MAP2K5: variants seen among roughly 807,000 people sequenced by gnomAD.
MAP2K5 encodes the protein mitogen-activated protein kinase kinase 5, also known as dual specificity mitogen-activated protein kinase kinase 5.
MAP2K5 carries 49 observed loss-of-function variants against 83.1 expected under a neutral mutation model. That is an observed-to-expected ratio of 0.59 (90% CI 0.47 to 0.75). The LOEUF is 0.75. MAP2K5 is among the 30% of genes least tolerant of loss of function. MAP2K5 has a pLI of 0.00. For synonymous variants in MAP2K5, 202 were observed against 191.8 expected, an observed-to-expected ratio of 1.05 and a Z score of -0.44; for missense variants, 457 against 557.5, an observed-to-expected ratio of 0.82 and a Z score of 1.82.
intron 16 of MAP2K5, among the ~76,000 whole-genome samples, chr15:67,711,509 A>G (rs1391702681): frequency 1.3e-5 from 2 of 152,274 alleles, no homozygotes; most frequent in Non-Finnish European, 1.5e-5. Context: ...GAAAAAAGCC[A>G]TTATCCCCTC....
intron 8 of MAP2K5, among the ~76,000 whole-genome samples, chr15:67,617,421 C>T (rs1377449401): frequency 6.6e-6 from 1 of 152,164 alleles, no homozygotes; most frequent in Non-Finnish European, 1.5e-5. Flanking sequence ...GAGATTGTAC[C>T]AGCTTTATCA....
intron 3 of MAP2K5, among the ~76,000 whole-genome samples, chr15:67,574,739 C>T (rs187305408): frequency 1.3e-5 from 2 of 151,912 alleles, no homozygotes; most frequent in African/African-American, 2.4e-5. Context: ...TGGTGTCGGG[C>T]GCCTGTAGTC....
In MAP2K5 at chr15:67,748,289, T is replaced by G. The variant is rs1411183331; in HGVS notation, c.1101+32T>G. ...TTTATGAGTTCAGAAAAAAATTCAC[T>G]TTTCTTTTTCCTGATGGCTGCTTCC... On this transcript the variant is annotated intron_variant, in intron 18 of 21. Transcript: ENST00000178640. The surrounding 1 kb of genome is among the most constrained non-coding windows in gnomAD (Gnocchi z 4.0). The G allele has an allele frequency of 1.3e-6, 2 of 1,570,534 alleles. No individual in the cohort carries two copies. Among genetic ancestry groups the G allele is most frequent in the Admixed American group, 3.4e-5 (2 of 59,326 alleles).
chr15:67,586,041 C>A, intron 5 of MAP2K5, 111 bp downstream of exon 5: 1 of 1,001,732 alleles, frequency 1.0e-6, no homozygotes, highest in Non-Finnish European at 1.6e-6. Flanking sequence ...ACAAGCGATC[C>A]TTTTATTTTT....
chr15:67,560,146 AC>A (rs1340221563), intron 2 of MAP2K5, among the ~76,000 whole-genome samples: 1 of 152,146 alleles, frequency 6.6e-6, no homozygotes, highest in African/African-American at 2.4e-5. Flanking sequence ...CTGCTTTCTT[AC>A]CCTTCACTAA....
At position 67,760,208 on chromosome 15, in the gene MAP2K5, CA is replaced by C. The variant is rs2089922904; in HGVS notation, c.1135-9393del. ...AAATGACATTAACATTCTACCAAAA[CA>C]CAGCAGTAATCCAAAAGTTAATGTT... is the stretch of plus-strand genomic sequence containing the variant. On this transcript the variant is annotated intron_variant, in intron 19 of 21. Transcript: ENST00000178640. The surrounding 1 kb of genome is among the most constrained non-coding windows in gnomAD (Gnocchi z 4.1). 6.6e-6 allele frequency among the ~76,000 whole-genome samples: 1 copy of C among 152,122 alleles called. No homozygotes were observed. Among genetic ancestry groups the C allele is most frequent in the South Asian group, 2.1e-4 (1 of 4,830 alleles).
intron 17 of MAP2K5, among the ~76,000 whole-genome samples, chr15:67,730,707 G>C (rs2089200512): frequency 6.6e-6 from 1 of 152,116 alleles, no homozygotes; most frequent in African/African-American, 2.4e-5. Context: ...AGATCACATT[G>C]GTTTGATTGT....
rs1443667723 is a variant in MAP2K5, at chr15:67,748,189, A to G, written c.1075-42A>G. The G allele has an allele frequency of 6.7e-7, 1 of 1,497,858 alleles. No homozygotes were observed. The highest frequency in any genetic ancestry group is 1.7e-5 in the Admixed American group (1 of 59,016). 92.8% of individuals were successfully genotyped at this position (1,497,858 alleles called of 1,614,324 possible). A position where few individuals can be genotyped will look rare whatever the true frequency, so the allele number is the denominator to read the frequency against. ...TGATCATAATGTGTCCAAGTGAGTCATTTTGATTATGACATGCTAATTACA... is the reference window on the plus strand; with the variant it reads ...TGATCATAATGTGTCCAAGTGAGTCGTTTTGATTATGACATGCTAATTACA... On this transcript the variant is annotated intron_variant, in intron 17 of 21. Coordinates refer to ENST00000178640, the MANE Select transcript of MAP2K5 (RefSeq NM_145160.3). The surrounding 1 kb of genome is among the most constrained non-coding windows in gnomAD (Gnocchi z 4.0).
chr15:67,548,446 G>T (rs1206520646), intron 1 of MAP2K5, among the ~76,000 whole-genome samples: 1 of 152,194 alleles, frequency 6.6e-6, no homozygotes, highest in Non-Finnish European at 1.5e-5. Context: ...TCCAGTTATT[G>T]GTGTTTTGTT....
In MAP2K5 at chr15:67,543,079, TTCCTGCGGGCCTTTGCCCGC is replaced by T; in HGVS notation, c.-255_-236del. 1 of 535,234 alleles carries T rather than the reference TTCCTGCGGGCCTTTGCCCGC, an allele frequency of 1.9e-6. No homozygotes were observed. 33.2% of individuals were successfully genotyped at this position (535,234 alleles called of 1,614,324 possible). A position where few individuals can be genotyped will look rare whatever the true frequency, so the allele number is the denominator to read the frequency against. ...TCCAGAACCTTCCGACCTCCGCTAG[TTCCTGCGGGCCTTTGCCCGC>T]TTCCCGGTGCACCCTCCCCGGGAGA... is the stretch of plus-strand genomic sequence containing the variant. On this transcript the variant is annotated 5_prime_UTR_variant, in exon 1 of 22. Coordinates refer to ENST00000178640, the MANE Select transcript of MAP2K5 (RefSeq NM_145160.3). This position sits in a 1 kb window ranked among gnomAD's most constrained non-coding sequence, Gnocchi z 4.3.
intron 21 of MAP2K5, among the ~76,000 whole-genome samples, chr15:67,784,867 A>C (rs2090390056): frequency 1.3e-5 from 2 of 152,074 alleles, no homozygotes; most frequent in Admixed American, 6.5e-5. Context: ...AACTCAACAA[A>C]CTTTTTACTG....
intron 1 of MAP2K5, 33 bp from the exon 2 acceptor site, chr15:67,550,001 C>G: frequency 6.4e-7 from 1 of 1,558,700 alleles, no homozygotes; most frequent in South Asian, 1.1e-5. Context: ...AAGAAGATGG[C>G]TAATTGTGTT....
intron 13 of MAP2K5, chr15:67,679,779 A>G (rs1044779217): frequency 6.6e-6 from 1 of 152,238 alleles, no homozygotes; most frequent in Admixed American, 6.5e-5. Flanking sequence ...TAGTCATGGT[A>G]ATGAGAAATC....
intron 6 of MAP2K5, among the ~76,000 whole-genome samples, chr15:67,589,090 C>G (rs1321915049): frequency 6.6e-6 from 1 of 151,998 alleles, no homozygotes; most frequent in East Asian, 1.9e-4. Flanking sequence ...GCAATTTTCT[C>G]ACTTTGGCCT....
intron 13 of MAP2K5, among the ~76,000 whole-genome samples, chr15:67,689,538 T>C (rs944352012): frequency 2.6e-5 from 4 of 152,092 alleles, no homozygotes; most frequent in African/African-American, 9.7e-5. Flanking sequence ...AATGCAAAGA[T>C]TGATTTGAGG....
chr15:67,658,801 C>T (rs1273996374), intron 12 of MAP2K5, 187 bp downstream of exon 12: 1 of 640,026 alleles, frequency 1.6e-6, no homozygotes, highest in Non-Finnish European at 2.9e-6. Flanking sequence ...AACATAGTCA[C>T]ACGCTTATGT....
At chr15:67,776,798 G>A (rs1364540867) in intron 21 of MAP2K5, among the ~76,000 whole-genome samples, 4 of 152,264 alleles carry the variant, frequency 2.6e-5, no homozygotes, top group Middle Eastern at 6.8e-3. Flanking sequence ...GGTAGCTAAG[G>A]TCAGGATGTG....
At chr15:67,635,517 A>T (rs909731972) in intron 9 of MAP2K5, among the ~76,000 whole-genome samples, 1 of 152,050 alleles carries the variant, frequency 6.6e-6, no homozygotes, top group Non-Finnish European at 1.5e-5. Flanking sequence ...AGTAAGAAAA[A>T]TAGTATTCTA....
chr15:67,621,859 A>C (rs1312256502), intron 8 of MAP2K5, among the ~76,000 whole-genome samples: 1 of 152,136 alleles, frequency 6.6e-6, no homozygotes, highest in East Asian at 1.9e-4. Flanking sequence ...TAAATTAATA[A>C]ATTTTATCAG....
Sources: gnomAD v4.1 joint callset for allele counts (sites outside exome capture counted in the v4.1 genomes callset) on GRCh38, gnomAD v4.1.1 for gene constraint, Gnocchi (gnomAD v3.1) non-coding constraint, MANE v1.5 for transcripts, NCBI Gene and HGNC (gene_info 2026-07-23, HGNC 2026-07-21) for gene names.